MFSD6: variants seen among roughly 807,000 people sequenced by gnomAD.
The protein encoded by MFSD6 is major facilitator superfamily domain-containing protein 6.
A neutral mutation model predicts 56.3 loss-of-function variants in MFSD6; 26 were observed. The observed-to-expected ratio is 0.46, with a 90% CI of 0.34 to 0.64. The LOEUF is 0.64. Among genes scored for constraint, MFSD6 ranks in the 30% least tolerant of loss-of-function variants. The pLI is 0.01. For synonymous variants in MFSD6, 331 were observed against 366.9 expected (o/e 0.90, Z 1.12); for missense variants, 750 against 986.2 (o/e 0.76, Z 3.21).
chr2:190,422,718 C>G (rs1211790540), intron 2 of MFSD6, among the ~76,000 whole-genome samples: 1 of 152,108 alleles, frequency 6.6e-6, no homozygotes, highest in African/African-American at 2.4e-5. Context: ...CTAGGTGGGT[C>G]ATTTCACTCA....
At chr2:190,482,429 T>C (rs946292728) in intron 4 of MFSD6, among the ~76,000 whole-genome samples, 17 of 151,882 alleles carry the variant, frequency 1.1e-4, no homozygotes, top group African/African-American at 4.1e-4. Flanking sequence ...CCAGAACTAA[T>C]TGAAATGTAT....
chr2:190,436,692 C>T lies in MFSD6; in HGVS notation c.663C>T (p.Asn221=). The part of the protein sequence containing the change: ...TVTLPTAPNM[N]SEPTLQPQTG... ...CTTTGCCAACAGCTCCAAACATGAA[C>T]AGTGAACCCACTCTGCAGCCCCAGA... is the stretch of plus-strand genomic sequence containing the variant. The change falls in exon 3 of 8, where the codon AAC becomes AAT. Residue 221 remains asparagine, a synonymous_variant. Coordinates refer to ENST00000392328, the MANE Select transcript of MFSD6 (RefSeq NM_017694.4). This position sits in a 1 kb window ranked among gnomAD's most constrained non-coding sequence, Gnocchi z 5.3. 6.2e-7 allele frequency: 1 copy of T among 1,614,232 alleles called. No homozygotes were observed.
chr2:190,410,514 T>C lies in MFSD6; in HGVS notation c.-176+2011T>C, dbSNP rs1401333484. 6.6e-6 allele frequency among the ~76,000 whole-genome samples: 1 copy of C among 152,240 alleles called. No homozygotes were observed. The highest frequency in any genetic ancestry group is 1.5e-5 in the Non-Finnish European group (1 of 68,042). On this transcript the variant is annotated intron_variant, in intron 1 of 7. Transcript: ENST00000392328. This position sits in a 1 kb window ranked among gnomAD's most constrained non-coding sequence, Gnocchi z 4.4. ...TTTCAATGTACATGTATTACTTATG[T>C]TAACATTTAGCCATGTAGGATAATT...
At chr2:190,482,677 T>C (rs971263029) in intron 4 of MFSD6, among the ~76,000 whole-genome samples, 3 of 152,048 alleles carry the variant, frequency 2.0e-5, no homozygotes, top group African/African-American at 7.2e-5. Context: ...AAGGACTTTT[T>C]TTCCTGCTCA....
At position 190,490,416 on chromosome 2, in the gene MFSD6, A is replaced by G. The variant is rs1351811293; in HGVS notation, c.1891+550A>G. On this transcript the variant is annotated intron_variant, in intron 6 of 7. Coordinates refer to ENST00000392328, the MANE Select transcript of MFSD6 (RefSeq NM_017694.4). The surrounding 1 kb of genome is among the most constrained non-coding windows in gnomAD (Gnocchi z 4.5). ...ATCTCTACTAAAAATATAAAAAATT[A>G]GCCGGGCACGGTGGTGGGCGCCTGT... Among the ~76,000 whole-genome samples, 1 of 152,090 alleles carries G rather than the reference A, an allele frequency of 6.6e-6. No homozygotes were observed. The highest frequency in any genetic ancestry group is 2.4e-5 in the African/African-American group (1 of 41,430).
Position 190,501,907 on chromosome 2 carries a change from G to A in MFSD6, c.*1689G>A, listed in dbSNP as rs1253300830. On this transcript the variant is annotated 3_prime_UTR_variant, in exon 8 of 8. Coordinates refer to ENST00000392328, the MANE Select transcript of MFSD6 (RefSeq NM_017694.4). The stretch of plus-strand genomic sequence containing the variant: ...ATAGAAATAAAGAAATGGGTGACAG[G>A]CTTAACCTCACCTATGAATGTACAG... 1.3e-5 allele frequency: 2 copies of A among 152,594 alleles called. No individual in the cohort carries two copies. Among genetic ancestry groups the A allele is most frequent in the African/African-American group, 4.8e-5 (2 of 41,438 alleles). 9.5% of individuals were successfully genotyped at this position (152,594 alleles called of 1,614,324 possible). A position where few individuals can be genotyped will look rare whatever the true frequency, so the allele number is the denominator to read the frequency against.
rs1690746383 is a variant in MFSD6, at chr2:190,415,695, T to G, written c.-54+282T>G. ...ACAGCAAAATAAAACAATTTTAGAT[T>G]ACATATATGGGAAGGTACTAAGGAT... On this transcript the variant is annotated intron_variant, in intron 2 of 7. Coordinates refer to ENST00000392328, the MANE Select transcript of MFSD6 (RefSeq NM_017694.4). This position sits in a 1 kb window ranked among gnomAD's most constrained non-coding sequence, Gnocchi z 4.5. Among the ~76,000 whole-genome samples, 1 of 152,210 alleles carries G rather than the reference T, an allele frequency of 6.6e-6. No homozygotes were observed. Among genetic ancestry groups the G allele is most frequent in the Non-Finnish European group, 1.5e-5 (1 of 68,038 alleles).
At chr2:190,414,406 AAC>A (rs1690691512) in intron 1 of MFSD6, among the ~76,000 whole-genome samples, 1 of 152,268 alleles carries the variant, frequency 6.6e-6, no homozygotes, top group African/African-American at 2.4e-5. Context: ...TTAACTAATG[AAC>A]AAATATGCCC....
rs1687369657 is a variant in MFSD6, at chr2:190,462,260, C to G, written c.1533-7498C>G. Among the ~76,000 whole-genome samples the G allele has an allele frequency of 6.6e-6, 1 of 152,082 alleles. No individual in the cohort carries two copies. The highest frequency in any genetic ancestry group is 6.6e-5 in the Admixed American group (1 of 15,260). On this transcript the variant is annotated intron_variant, in intron 3 of 7. Transcript: ENST00000392328. This position sits in a 1 kb window ranked among gnomAD's most constrained non-coding sequence, Gnocchi z 5.7. The stretch of plus-strand genomic sequence containing the variant: ...TTTAAGAGATTTACCTCATGGTTCT[C>G]AACAGGAGCCATTTAAAAATGTGCA...
intron 3 of MFSD6, among the ~76,000 whole-genome samples, chr2:190,455,934 C>CCTTT (rs1687010550): frequency 1.5e-5 from 1 of 65,370 alleles, no homozygotes; most frequent in Non-Finnish European, 2.5e-5. Flanking sequence ...ATTTACTCTG[C>CCTTT]TTTTTTTTTT....
intron 4 of MFSD6, among the ~76,000 whole-genome samples, chr2:190,475,617 G>A (rs1249851731): frequency 3.3e-5 from 5 of 152,226 alleles, no homozygotes; most frequent in South Asian, 2.1e-4. Flanking sequence ...AATCAATATC[G>A]TGAAAATGGC....
rs747469684 is a variant in MFSD6 at position 190,495,520 on chromosome 2, A to G, written c.1892-1919A>G. On this transcript the variant is annotated intron_variant, in intron 6 of 7. Transcript: ENST00000392328. This position sits in a 1 kb window ranked among gnomAD's most constrained non-coding sequence, Gnocchi z 4.7. ...AATCCTAAATTTCATATGGAGCCAA[A>G]AAAGAGCCTGCATAGCCAAAGTGAG... Among the ~76,000 whole-genome samples the G allele has an allele frequency of 7.2e-5, 11 of 152,196 alleles. No homozygotes were observed. The highest frequency in any genetic ancestry group is 1.5e-4 in the Non-Finnish European group (10 of 68,018).
intron 4 of MFSD6, among the ~76,000 whole-genome samples, chr2:190,473,867 C>A: frequency 6.6e-6 from 1 of 152,222 alleles, no homozygotes. Context: ...CAAACTGTCT[C>A]TCAGACCACA....
Position 190,436,060 on chromosome 2 carries a change from G to T in MFSD6, c.31G>T (p.Asp11Tyr). 1 of 1,613,710 alleles carries T rather than the reference G, an allele frequency of 6.2e-7. No individual in the cohort carries two copies. The change falls in exon 3 of 8, where the codon GAT becomes TAT. Residue 11 changes from aspartate (D) to tyrosine (Y), a missense_variant. By Grantham distance (160) the Asp-to-Tyr change is radical. This residue lies in a region of MFSD6 where 76 missense variants were observed against 101.9 expected (regional missense o/e 0.75). Coordinates refer to ENST00000392328, the MANE Select transcript of MFSD6 (RefSeq NM_017694.4). This position sits in a 1 kb window ranked among gnomAD's most constrained non-coding sequence, Gnocchi z 5.3. MADDKVAILT[D>Y]DEEEQKRKYV... Reference sequence around the variant, plus strand: ...AGATGATAAAGTTGCTATCTTAACGGATGATGAAGAGGAACAGAAGAGAAA... The same window carrying T: ...AGATGATAAAGTTGCTATCTTAACGTATGATGAAGAGGAACAGAAGAGAAA...
At chr2:190,480,706 G>C (rs367632295) in intron 4 of MFSD6, among the ~76,000 whole-genome samples, 1 of 152,172 alleles carries the variant, frequency 6.6e-6, no homozygotes, top group Non-Finnish European at 1.5e-5. Flanking sequence ...TATAAGCTCT[G>C]TGTCTTTGGA....
intron 3 of MFSD6, among the ~76,000 whole-genome samples, chr2:190,466,017 C>T (rs560661736): frequency 3.3e-5 from 5 of 152,186 alleles, no homozygotes; most frequent in South Asian, 2.1e-4. Context: ...GCAAAAAGTC[C>T]GAGATCAATT....
In MFSD6 at chr2:190,425,383, T is replaced by C. The variant is rs1575824147; in HGVS notation, c.-54+9970T>C. ...CCAGCATTGTGTTGCATAAGAATGATGAGAACAGACAGTCTTGCCTTGTTC... is the reference window on the plus strand; with the variant it reads ...CCAGCATTGTGTTGCATAAGAATGACGAGAACAGACAGTCTTGCCTTGTTC... On this transcript the variant is annotated intron_variant, in intron 2 of 7. Transcript: ENST00000392328. The surrounding 1 kb of genome is among the most constrained non-coding windows in gnomAD (Gnocchi z 4.3). Among the ~76,000 whole-genome samples the C allele has an allele frequency of 6.6e-6, 1 of 152,212 alleles. No homozygotes were observed. Among genetic ancestry groups the C allele is most frequent in the South Asian group, 2.1e-4 (1 of 4,832 alleles).
intron 6 of MFSD6, among the ~76,000 whole-genome samples, chr2:190,493,344 T>C (rs755708028): frequency 6.6e-6 from 1 of 152,152 alleles, no homozygotes; most frequent in Non-Finnish European, 1.5e-5. Flanking sequence ...CAATCTTCAA[T>C]ATACATACAC....
chr2:190,475,699 T>G (rs1488119483), intron 4 of MFSD6, among the ~76,000 whole-genome samples: 2 of 152,114 alleles, frequency 1.3e-5, no homozygotes, highest in Non-Finnish European at 2.9e-5. Context: ...TTCACAGAAT[T>G]GGAAAAAACT....
Sources: allele counts gnomAD v4.1 joint callset (sites outside exome capture counted in the v4.1 genomes callset), GRCh38; gene constraint gnomAD v4.1.1; regional missense constraint gnomAD v4.1.1; non-coding constraint Gnocchi (gnomAD v3.1); transcripts MANE v1.5; gene names NCBI Gene and HGNC (gene_info 2026-07-23, HGNC 2026-07-21).